The following UGP2 variants were observed in gnomAD, a reference collection of about 807,000 sequenced individuals.
UGP2 encodes the protein UTP--glucose-1-phosphate uridylyltransferase.
A neutral mutation model predicts 49.0 loss-of-function variants in UGP2; 40 were observed. The ratio of observed to expected loss-of-function variants is 0.82; its 90% CI spans 0.63 to 1.06. UGP2 has a LOEUF of 1.06. UGP2 is among the 50% of genes least tolerant of loss of function. The probability of loss-of-function intolerance (pLI) is 0.00; values close to 1 mark genes in which losing one functional copy is unlikely to be tolerated. For synonymous variants in UGP2, 225 were observed against 213.0 expected, an observed-to-expected ratio of 1.06 and a Z score of -0.49; for missense variants, 460 against 603.5, an observed-to-expected ratio of 0.76 and a Z score of 2.49.
chr2:63,851,023 C>T (rs1055501360), intron 1 of UGP2, among the ~76,000 whole-genome samples: 2 of 152,066 alleles, frequency 1.3e-5, no homozygotes, highest in Non-Finnish European at 2.9e-5. Flanking sequence ...ATAAGATAAA[C>T]ATTGAATAAA....
At chr2:63,847,111 C>G (rs1038073931) in intron 1 of UGP2, among the ~76,000 whole-genome samples, 5 of 151,620 alleles carry the variant, frequency 3.3e-5, no homozygotes, top group African/African-American at 1.2e-4. Flanking sequence ...TGAAAGTCTA[C>G]TGAGGAAAAA....
At chr2:63,842,361 G>A (rs1359812774) in intron 1 of UGP2, 157 bp downstream of exon 1, 3 of 1,602,078 alleles carry the variant, frequency 1.9e-6, no homozygotes, top group Admixed American at 1.7e-5. Flanking sequence ...GCCTTGAGCT[G>A]CTGGGTTGAC....
At chr2:63,871,740 G>A (rs1489281421) in intron 3 of UGP2, among the ~76,000 whole-genome samples, 2 of 152,234 alleles carry the variant, frequency 1.3e-5, no homozygotes, top group Non-Finnish European at 2.9e-5. Context: ...GTTCTTGCCA[G>A]TGGAAGCACG....
chr2:63,888,272 G>A (rs1017975860), intron 8 of UGP2: 2 of 153,070 alleles, frequency 1.3e-5, no homozygotes, highest in African/African-American at 4.8e-5. Context: ...AGGTGGAATA[G>A]CAAGTACAGT....
chr2:63,891,071 A>T, intron 9 of UGP2, 49 bp from the exon 10 acceptor site: 1 of 1,526,608 alleles, frequency 6.6e-7, no homozygotes, highest in South Asian at 1.2e-5. Context: ...AAGATAATCA[A>T]ATTGCATTTC....
chr2:63,865,916 A>G (rs1230313624), intron 3 of UGP2, among the ~76,000 whole-genome samples: 1 of 152,134 alleles, frequency 6.6e-6, no homozygotes, highest in Admixed American at 6.5e-5. Flanking sequence ...CTTGTTCTCA[A>G]ATGTGTTCAT....
At chr2:63,880,546 A>G (rs1671234462) in intron 3 of UGP2, among the ~76,000 whole-genome samples, 1 of 152,138 alleles carries the variant, frequency 6.6e-6, no homozygotes, top group Admixed American at 6.5e-5. Flanking sequence ...CAAAGATTCT[A>G]CTGTCATCTA....
rs530004681 is a variant in UGP2, at chr2:63,887,901, A to G, written c.1314+257A>G. ...TTTATCTTCTGTCTCTTCCAAGACC[A>G]GTACTGCTTTCATCAGTGGGAAAAG... On this transcript the variant is annotated intron_variant, in intron 8 of 9. Coordinates refer to ENST00000337130, the MANE Select transcript of UGP2 (RefSeq NM_006759.4). 31 of 430,344 alleles carry G rather than the reference A, an allele frequency of 7.2e-5. 1 individual carries two copies. In the South Asian group the frequency reaches 7.3e-4, roughly 10 times the overall value. The allele number at this position is 430,344 out of a possible 1,614,324, so 26.7% of individuals were successfully genotyped here.
intron 1 of UGP2, among the ~76,000 whole-genome samples, chr2:63,849,344 C>T (rs967622831): frequency 6.6e-6 from 1 of 152,194 alleles, no homozygotes; most frequent in African/African-American, 2.4e-5. Context: ...ATTTGCTGCT[C>T]TGGCAGAAGC....
rs980660953 is a variant in UGP2, at chr2:63,887,389, T to G, written c.1072-13T>G. The G allele has an allele frequency of 2.5e-6, 4 of 1,613,694 alleles. No homozygotes were observed. In the African/African-American group the frequency reaches 5.3e-5, roughly 22 times the overall value. On this transcript the variant is annotated splice_polypyrimidine_tract_variant and intron_variant, in intron 7 of 9. Transcript: ENST00000337130. ...ACCTCTGTTTTCTATTCCCCACCCC[T>G]AATTTCTTACAGACTTTGGATGGAG...
chr2:63,881,348 T>TACACACACAC lies in UGP2; in HGVS notation c.256-1097_256-1088dup, dbSNP rs34467113. Among the ~76,000 whole-genome samples, 1,326 of 145,914 alleles carry TACACACACAC rather than the reference T, an allele frequency of 9.1e-3. 15 individuals carry two copies. Among genetic ancestry groups the TACACACACAC allele is most frequent in the African/African-American group, 0.032 (1,252 of 39,664 alleles). On this transcript the variant is annotated intron_variant, in intron 3 of 9. Coordinates refer to ENST00000337130, the MANE Select transcript of UGP2 (RefSeq NM_006759.4). ...TTCTTTCCCAGTCACACCTACCCAT[T>TACACACACAC]ACACACACACACACACACACACACA...
rs768172130 is a variant in UGP2, at chr2:63,885,615, T to C, written c.602T>C (p.Leu201Ser). The C allele has an allele frequency of 6.4e-6, 10 of 1,570,166 alleles. No homozygotes were observed. The highest frequency in any genetic ancestry group is 4.8e-5 in the South Asian group (4 of 83,784). ...TACCCGAGGATTAATAAAGAATCTTTACTTCCTGTAGCAAAGGACGTGTCT... is the reference window on the plus strand; with the variant it reads ...TACCCGAGGATTAATAAAGAATCTTCACTTCCTGTAGCAAAGGACGTGTCT... ...SRYPRINKES[L>S]LPVAKDVSYS... Residue 201 changes from leucine (L) to serine (S), a missense_variant, in exon 6 of 10, where the codon TTA becomes TCA. Transcript: ENST00000337130.
intron 8 of UGP2, chr2:63,888,543 C>G (rs1398181508): frequency 2.0e-5 from 3 of 152,208 alleles, no homozygotes; most frequent in Non-Finnish European, 4.4e-5. Context: ...TCACTGGTGA[C>G]CAGAGCTTAT....
chr2:63,886,710 A>AGT (rs1479006616), intron 7 of UGP2, among the ~76,000 whole-genome samples, 172 bp downstream of exon 7: 2 of 151,942 alleles, frequency 1.3e-5, no homozygotes, highest in Non-Finnish European at 2.9e-5. Context: ...TCACCCCTCT[A>AGT]GTGTGCCAAG....
chr2:63,888,951 G>A (rs1575861324), intron 8 of UGP2: 1 of 152,324 alleles, frequency 6.6e-6, no homozygotes, highest in Non-Finnish European at 1.5e-5. Flanking sequence ...GTCCTGCTCT[G>A]CCATCCAAGT....
chr2:63,859,415 T>C (rs13010817), intron 3 of UGP2, among the ~76,000 whole-genome samples: 26,898 of 152,126 alleles, frequency 0.18, 3,170 homozygotes, highest in Non-Finnish European at 0.24. Context: ...TTATGTTCAA[T>C]ATATTTTAGG....
intron 5 of UGP2, among the ~76,000 whole-genome samples, chr2:63,885,120 C>G (rs1671590066): frequency 6.8e-6 from 1 of 146,014 alleles, no homozygotes; most frequent in African/African-American, 2.5e-5. Context: ...ACCTTTCTTA[C>G]TAGTGGTGGG....
Position 63,842,184 on chromosome 2 carries a change from A to T in UGP2, c.-2A>T, listed in dbSNP as rs776932715. ...GCCGGAGTATTTTACTAAGCCCCTA[A>T]AATGTCGAGATTTGTACAAGGTAAG... On this transcript the variant is annotated 5_prime_UTR_variant, in exon 1 of 10. Transcript: ENST00000337130. The T allele has an allele frequency of 6.9e-6, 11 of 1,593,654 alleles. No individual in the cohort carries two copies. Among genetic ancestry groups the T allele is most frequent in the East Asian group, 6.7e-5 (3 of 44,812 alleles).
intron 3 of UGP2, among the ~76,000 whole-genome samples, chr2:63,863,652 A>C (rs1455121867): frequency 6.6e-6 from 1 of 152,226 alleles, no homozygotes; most frequent in Admixed American, 6.5e-5. Context: ...AAAAGTTGCA[A>C]AGATACACTA....
Sources: gnomAD v4.1 joint callset for allele counts (sites outside exome capture counted in the v4.1 genomes callset) on GRCh38, gnomAD v4.1.1 for gene constraint, MANE v1.5 for transcripts, NCBI Gene and HGNC (gene_info 2026-07-23, HGNC 2026-07-21) for gene names.